CTNND2: variants seen among roughly 807,000 people sequenced by gnomAD.
CTNND2 encodes the protein catenin delta 2, also known as catenin delta-2.
In CTNND2, 22 loss-of-function variants were observed where a neutral mutation model predicts 144.4. That is an observed-to-expected ratio of 0.15 (90% confidence interval 0.11 to 0.22). CTNND2 has a LOEUF of 0.22. CTNND2 is among the 10% of genes least tolerant of loss of function. The pLI is 1.00. For synonymous variants in CTNND2, 751 were observed against 695.6 expected (o/e 1.08, Z -1.25); for missense variants, 1,353 against 1,618.8 (o/e 0.84, Z 2.82).
chr5:11,245,032 A>G (rs1285316472), intron 9 of CTNND2, among the ~76,000 whole-genome samples: 3 of 152,238 alleles, frequency 2.0e-5, no homozygotes, highest in African/African-American at 7.2e-5. Context: ...AAGAGAGAGA[A>G]TTCAAATGTT....
intron 11 of CTNND2, among the ~76,000 whole-genome samples, chr5:11,177,178 A>G (rs563329669): frequency 6.6e-6 from 1 of 152,314 alleles, no homozygotes; most frequent in Admixed American, 6.5e-5. Context: ...AACAATTTCC[A>G]ATGCACTCAG....
intron 1 of CTNND2, among the ~76,000 whole-genome samples, chr5:11,867,575 A>G (rs1186594917): frequency 4.6e-5 from 7 of 152,186 alleles, no homozygotes; most frequent in Non-Finnish European, 7.4e-5. Context: ...ATTGTGTATT[A>G]GACCAGAAAG....
intron 18 of CTNND2, among the ~76,000 whole-genome samples, chr5:11,004,580 A>G (rs141215012): frequency 0.015 from 2,221 of 152,224 alleles, 54 homozygotes; most frequent in African/African-American, 0.05. Flanking sequence ...CCTCAGCAAC[A>G]TGGAGAAACC....
At chr5:11,669,944 A>T (rs189256715) in intron 2 of CTNND2, among the ~76,000 whole-genome samples, 1 of 152,192 alleles carries the variant, frequency 6.6e-6, no homozygotes, top group South Asian at 2.1e-4. Flanking sequence ...ATTCCAGTAC[A>T]TTATGTCTTT....
intron 1 of CTNND2, among the ~76,000 whole-genome samples, chr5:11,774,562 A>T (rs1790142294): frequency 2.0e-5 from 1 of 50,062 alleles, no homozygotes; most frequent in African/African-American, 3.7e-5. Context: ...AAAAAAAATT[A>T]AAAAAAAAAA....
intron 11 of CTNND2, among the ~76,000 whole-genome samples, chr5:11,173,495 T>C (rs1237719374): frequency 6.6e-6 from 1 of 152,188 alleles, no homozygotes; most frequent in Non-Finnish European, 1.5e-5. Flanking sequence ...TGTGGAAACC[T>C]TGATGAGAGC....
chr5:11,186,994 G>A (rs1735696311), intron 11 of CTNND2, among the ~76,000 whole-genome samples: 2 of 152,154 alleles, frequency 1.3e-5, no homozygotes, highest in Admixed American at 1.3e-4. Context: ...GTAAATGTAT[G>A]CTTATCTCTT....
intron 2 of CTNND2, among the ~76,000 whole-genome samples, chr5:11,569,146 T>G (rs1777357748): frequency 6.6e-6 from 1 of 152,126 alleles, no homozygotes; most frequent in African/African-American, 2.4e-5. Flanking sequence ...CTGCATAAAA[T>G]GTAATACAGA....
chr5:11,022,054 A>G (rs1176062009), intron 17 of CTNND2, among the ~76,000 whole-genome samples: 2 of 152,200 alleles, frequency 1.3e-5, no homozygotes, highest in African/African-American at 2.4e-5. Flanking sequence ...ACTAGGAGGC[A>G]TTCTTATTCA....
chr5:11,295,357 TC>T (rs1748809127), intron 9 of CTNND2, among the ~76,000 whole-genome samples: 1 of 152,042 alleles, frequency 6.6e-6, no homozygotes, highest in Non-Finnish European at 1.5e-5. Flanking sequence ...GGAAGAACAT[TC>T]CGTGTTCATG....
chr5:11,455,731 G>T (rs1452559523), intron 3 of CTNND2, among the ~76,000 whole-genome samples: 1 of 151,948 alleles, frequency 6.6e-6, no homozygotes, highest in Non-Finnish European at 1.5e-5. Context: ...AGAAGTGGAT[G>T]AAAAAAGATG....
intron 10 of CTNND2, among the ~76,000 whole-genome samples, chr5:11,219,528 T>C (rs530751824): frequency 6.6e-6 from 1 of 152,316 alleles, no homozygotes; most frequent in Admixed American, 6.5e-5. Flanking sequence ...TCCCTGTGAA[T>C]ATATGACCTT....
chr5:11,102,758 A>T (rs1752022702), intron 14 of CTNND2, among the ~76,000 whole-genome samples: 1 of 152,134 alleles, frequency 6.6e-6, no homozygotes, highest in African/African-American at 2.4e-5. Flanking sequence ...GGACTGCTGA[A>T]ATTTAGACAT....
At chr5:11,486,849 C>T (rs1341864229) in intron 3 of CTNND2, among the ~76,000 whole-genome samples, 1 of 152,084 alleles carries the variant, frequency 6.6e-6, no homozygotes, top group Non-Finnish European at 1.5e-5. Context: ...TAAATAATCA[C>T]CTGCTGAGTA....
At chr5:11,036,837 A>G (rs77819757) in intron 16 of CTNND2, among the ~76,000 whole-genome samples, 42 of 152,338 alleles carry the variant, frequency 2.8e-4, no homozygotes, top group African/African-American at 9.9e-4. Flanking sequence ...AGCATTTCGT[A>G]GATTTTTATT....
intron 9 of CTNND2, among the ~76,000 whole-genome samples, chr5:11,265,344 T>C (rs1483656733): frequency 1.3e-5 from 2 of 152,190 alleles, no homozygotes; most frequent in African/African-American, 4.8e-5. Flanking sequence ...TCAAAGTTTC[T>C]GGTGGTTTTC....
intron 3 of CTNND2, among the ~76,000 whole-genome samples, chr5:11,478,993 T>C (rs986220055): frequency 6.6e-6 from 1 of 152,164 alleles, no homozygotes; most frequent in East Asian, 1.9e-4. Context: ...GAGGAAAACA[T>C]AATTTAACTT....
At chr5:11,536,743 T>G (rs1774250046) in intron 3 of CTNND2, among the ~76,000 whole-genome samples, 1 of 149,722 alleles carries the variant, frequency 6.7e-6, no homozygotes, top group Admixed American at 6.7e-5. Flanking sequence ...GGGAGGGGGG[T>G]GAGGGATAAA....
chr5:11,601,552 G>T (rs969095686), intron 2 of CTNND2, among the ~76,000 whole-genome samples: 1 of 151,872 alleles, frequency 6.6e-6, no homozygotes, highest in African/African-American at 2.4e-5. Context: ...TTTATTAGAT[G>T]TAATTGTTAA....
Sources: allele counts gnomAD v4.1 joint callset (sites outside exome capture counted in the v4.1 genomes callset), GRCh38; gene constraint gnomAD v4.1.1; transcripts MANE v1.5; gene names NCBI Gene and HGNC (gene_info 2026-07-23, HGNC 2026-07-21).